CTNNA3: variants seen among roughly 807,000 people sequenced by gnomAD.
The protein encoded by CTNNA3 is catenin alpha-3.
In CTNNA3, 76 loss-of-function variants were observed where a neutral mutation model predicts 95.7. The observed-to-expected ratio is 0.79, with a 90% confidence interval of 0.66 to 0.96. The LOEUF is 0.96. Ranked by LOEUF, CTNNA3 falls within the 40% of genes least tolerant of loss-of-function variation. The probability of loss-of-function intolerance (pLI) is 0.00; values close to 1 mark genes in which losing one functional copy is unlikely to be tolerated. For synonymous variants in CTNNA3, 431 were observed against 374.4 expected, an observed-to-expected ratio of 1.15 and a Z score of -1.74; for missense variants, 1,191 against 1,089.8, an observed-to-expected ratio of 1.09 and a Z score of -1.31.
At chr10:67,328,011 G>A (rs1229522119) in intron 5 of CTNNA3, among the ~76,000 whole-genome samples, 1 of 152,156 alleles carries the variant, frequency 6.6e-6, no homozygotes, top group Non-Finnish European at 1.5e-5. Flanking sequence ...ACTGGCGGGG[G>A]CAGGGCTGGC....
intron 7 of CTNNA3, among the ~76,000 whole-genome samples, chr10:66,911,672 A>G (rs977011259): frequency 3.3e-5 from 5 of 152,160 alleles, no homozygotes; most frequent in African/African-American, 1.2e-4. Context: ...TCTGGTCTAC[A>G]TTTTTAAATC....
intron 7 of CTNNA3, among the ~76,000 whole-genome samples, chr10:66,785,381 G>T (rs537398149): frequency 1.3e-5 from 2 of 152,318 alleles, no homozygotes; most frequent in South Asian, 2.1e-4. Context: ...ACCCAGTAAA[G>T]AACAAAATGC....
At chr10:67,134,906 G>C (rs1329829556) in intron 7 of CTNNA3, among the ~76,000 whole-genome samples, 1 of 152,054 alleles carries the variant, frequency 6.6e-6, no homozygotes, top group East Asian at 1.9e-4. Flanking sequence ...TAAAAGGCAA[G>C]GTGAGTGATT....
intron 9 of CTNNA3, among the ~76,000 whole-genome samples, chr10:66,655,716 G>A (rs1846051842): frequency 6.6e-6 from 1 of 152,060 alleles, no homozygotes; most frequent in Non-Finnish European, 1.5e-5. Context: ...TTGAGAGGGT[G>A]AAGCGGGTGA....
chr10:67,241,915 CT>C (rs1865728198), intron 5 of CTNNA3, among the ~76,000 whole-genome samples: 2 of 152,164 alleles, frequency 1.3e-5, no homozygotes, highest in South Asian at 4.1e-4. Flanking sequence ...TCTCTAATCA[CT>C]TTCTCATTTA....
At chr10:66,633,711 A>AT (rs1845236156) in intron 9 of CTNNA3, among the ~76,000 whole-genome samples, 1 of 152,114 alleles carries the variant, frequency 6.6e-6, no homozygotes, top group South Asian at 2.1e-4. Context: ...AAAATTATGT[A>AT]TAAATGCAAA....
chr10:67,492,363 A>C lies in CTNNA3; in HGVS notation c.579+29479T>G, dbSNP rs113471822. ...GTGTTTGTGCAAGTGAAAGGCAGAA[A>C]TAGATTACTGAGAAGTGAAAAGTCA... On this transcript the variant is annotated intron_variant, in intron 5 of 17. Transcript: ENST00000433211. Among the ~76,000 whole-genome samples, 285 of 152,356 alleles carry C rather than the reference A, an allele frequency of 1.9e-3. 3 individuals are homozygous for C. The highest frequency in any genetic ancestry group is 0.016 in the Admixed American group (250 of 15,306).
chr10:67,024,045 T>G (rs1414701281), intron 7 of CTNNA3, among the ~76,000 whole-genome samples: 5 of 152,300 alleles, frequency 3.3e-5, no homozygotes, highest in South Asian at 2.1e-4. Context: ...CAACACAAGT[T>G]TATTATCTTC....
chr10:66,360,816 C>CCTTTCTTT lies in CTNNA3; in HGVS notation c.1732+18328_1732+18335dup, dbSNP rs758092288. On this transcript the variant is annotated intron_variant, in intron 12 of 17. Coordinates refer to ENST00000433211, the MANE Select transcript of CTNNA3 (RefSeq NM_013266.4). ...TCCTTCCTTCCTTCCTTCCTTCCTT[C>CCTTTCTTT]CTTTCTTTCTTTCTTTCTTTCTTTC... Among the ~76,000 whole-genome samples, 319 of 50,190 alleles carry CCTTTCTTT rather than the reference C, an allele frequency of 6.4e-3. 15 individuals carry two copies. The highest frequency in any genetic ancestry group is 0.024 in the East Asian group (54 of 2,206). 32.9% of individuals were successfully genotyped at this position (50,190 alleles called of 152,430 possible).
At chr10:67,201,307 C>T (rs1863634053) in intron 6 of CTNNA3, among the ~76,000 whole-genome samples, 1 of 152,182 alleles carries the variant, frequency 6.6e-6, no homozygotes, top group Non-Finnish European at 1.5e-5. Context: ...TAACCTCCAG[C>T]AGCTGCAGAG....
intron 10 of CTNNA3, among the ~76,000 whole-genome samples, chr10:66,600,430 C>T (rs1283681691): frequency 1.3e-5 from 2 of 151,766 alleles, no homozygotes; most frequent in African/African-American, 4.8e-5. Flanking sequence ...TATACCCAAA[C>T]ACCACCCATA....
chr10:67,043,972 T>G (rs1554904670), intron 7 of CTNNA3, among the ~76,000 whole-genome samples: 1 of 136,460 alleles, frequency 7.3e-6, no homozygotes, highest in Non-Finnish European at 1.7e-5. Flanking sequence ...ATTCAGGGGG[T>G]ACATGGACAG....
chr10:67,202,340 C>T (rs1398853470), intron 6 of CTNNA3, among the ~76,000 whole-genome samples: 2 of 152,102 alleles, frequency 1.3e-5, no homozygotes, highest in South Asian at 2.1e-4. Context: ...GCCATAAGCG[C>T]TCACTCTAGG....
chr10:66,257,960 G>C (rs1437321800), intron 13 of CTNNA3, among the ~76,000 whole-genome samples: 1 of 152,128 alleles, frequency 6.6e-6, no homozygotes, highest in Non-Finnish European at 1.5e-5. Context: ...TGTACAATCA[G>C]ATAGCCAATT....
chr10:67,235,512 T>TAAC (rs1865412071), intron 5 of CTNNA3, among the ~76,000 whole-genome samples: 2 of 150,280 alleles, frequency 1.3e-5, no homozygotes, highest in African/African-American at 4.9e-5. Context: ...CAAAAATCAA[T>TAAC]TCAAGATGGA....
chr10:66,546,616 G>GC (rs1842042871), intron 10 of CTNNA3, among the ~76,000 whole-genome samples: 1 of 152,110 alleles, frequency 6.6e-6, no homozygotes, highest in South Asian at 2.1e-4. Context: ...TCTTCACAAG[G>GC]CATCAGGCGG....
intron 11 of CTNNA3, among the ~76,000 whole-genome samples, chr10:66,427,316 CT>C (rs11311804): frequency 0.12 from 17,779 of 149,160 alleles, 1,510 homozygotes; most frequent in African/African-American, 0.24. Flanking sequence ...TTCTTTTAAA[CT>C]TTTTTTTTTG....
intron 17 of CTNNA3, among the ~76,000 whole-genome samples, chr10:65,934,883 C>T (rs1467647056): frequency 6.6e-6 from 1 of 152,006 alleles, no homozygotes; most frequent in Non-Finnish European, 1.5e-5. Flanking sequence ...TTTTAGGGAG[C>T]TCTGTAGCCT....
chr10:67,398,430 T>C (rs1844797004), intron 5 of CTNNA3, among the ~76,000 whole-genome samples: 1 of 152,238 alleles, frequency 6.6e-6, no homozygotes, highest in Non-Finnish European at 1.5e-5. Flanking sequence ...ACTCAACACC[T>C]GTACCCCCAT....
Sources: allele counts gnomAD v4.1 joint callset (sites outside exome capture counted in the v4.1 genomes callset), GRCh38; gene constraint gnomAD v4.1.1; transcripts MANE v1.5; gene names NCBI Gene and HGNC (gene_info 2026-07-23, HGNC 2026-07-21).